PMFBP1: variants seen among roughly 807,000 people sequenced by gnomAD.
PMFBP1 encodes the protein polyamine-modulated factor 1-binding protein 1.
In PMFBP1, 131 loss-of-function variants were observed where a neutral mutation model predicts 137.8. The observed-to-expected ratio is 0.95, with a 90% CI of 0.82 to 1.10. The LOEUF (loss-of-function observed/expected upper bound fraction) is 1.10. PMFBP1 is among the 50% of genes least tolerant of loss of function. PMFBP1 has a pLI of 0.00. For synonymous variants in PMFBP1, 490 were observed against 450.4 expected (o/e 1.09, Z -1.11); for missense variants, 1,199 against 1,175.4 (o/e 1.02, Z -0.29).
intron 19 of PMFBP1, among the ~76,000 whole-genome samples, chr16:72,120,833 A>T (rs980548119): frequency 3.9e-5 from 6 of 152,232 alleles, no homozygotes; most frequent in Non-Finnish European, 8.8e-5. Context: ...GGGGCAAGTT[A>T]CTTAGTTTCC....
chr16:72,161,863 G>T (rs1489812524), intron 3 of PMFBP1, among the ~76,000 whole-genome samples: 1 of 152,064 alleles, frequency 6.6e-6, no homozygotes. Context: ...ACGATACTGT[G>T]TAATAATGCC....
intron 15 of PMFBP1, 105 bp downstream of exon 15, chr16:72,125,863 C>T (rs1052378086): frequency 7.2e-6 from 10 of 1,384,476 alleles, no homozygotes; most frequent in Non-Finnish European, 9.9e-6. Context: ...TTGAGATGGC[C>T]CCATTGACAG....
At chr16:72,207,217 G>C in the PMFBP1 span, among the ~76,000 whole-genome samples, 3 of 152,138 alleles carry the variant, frequency 2.0e-5, no homozygotes, top group African/African-American at 7.2e-5. Flanking sequence ...CAATGAGAAG[G>C]CTGCTGCACA....
the PMFBP1 span, among the ~76,000 whole-genome samples, chr16:72,221,366 C>T: frequency 6.6e-6 from 1 of 152,186 alleles, no homozygotes; most frequent in Admixed American, 6.5e-5. Context: ...CTGCACTCAG[C>T]TCATAAATCA....
At chr16:72,209,104 G>C in the PMFBP1 span, among the ~76,000 whole-genome samples, 1 of 152,316 alleles carries the variant, frequency 6.6e-6, no homozygotes, top group South Asian at 2.1e-4. Context: ...ACTCAGCCCC[G>C]GTGAGCCCTC....
At chr16:72,198,073 CTTTTT>C in the PMFBP1 span, among the ~76,000 whole-genome samples, 1 of 152,072 alleles carries the variant, frequency 6.6e-6, no homozygotes, top group East Asian at 1.9e-4. Flanking sequence ...CTTTTCTTTT[CTTTTT>C]GCCTTTTTCA....
the PMFBP1 span, among the ~76,000 whole-genome samples, chr16:72,238,081 T>C: frequency 1.3e-5 from 2 of 152,368 alleles, no homozygotes; most frequent in Non-Finnish European, 2.9e-5. Context: ...ATGTCTTTGC[T>C]ATTGTGGATA....
intron 17 of PMFBP1, 23 bp from the exon 18 acceptor site, chr16:72,123,672 G>C (rs778677451): frequency 1.9e-6 from 3 of 1,605,748 alleles, no homozygotes; most frequent in Non-Finnish European, 2.6e-6. Context: ...AAGAAAACGA[G>C]ACAGTCAGAG....
chr16:72,157,304 T>C (rs941448145), intron 3 of PMFBP1, among the ~76,000 whole-genome samples: 1 of 147,672 alleles, frequency 6.8e-6, no homozygotes, highest in African/African-American at 2.5e-5. Context: ...AAGGACAAAA[T>C]GCAACAGGGG....
upstream of PMFBP1, among the ~76,000 whole-genome samples, chr16:72,177,565 A>AG (rs1306411598): frequency 1.2e-4 from 19 of 152,216 alleles, no homozygotes; most frequent in African/African-American, 4.6e-4. Context: ...AAAATAGTAC[A>AG]CAGAGTTCCT....
rs756049760 is a variant in PMFBP1 at position 72,130,726 on chromosome 16, CAGAAGCAGGG to C, written c.1448-14_1448-5del. 86 of 1,607,170 alleles carry C rather than the reference CAGAAGCAGGG, an allele frequency of 5.4e-5. No homozygotes were observed. Among genetic ancestry groups the C allele is most frequent in the Non-Finnish European group, 7.1e-5 (84 of 1,178,092 alleles). The stretch of plus-strand genomic sequence containing the variant: ...TTGCACTGGGCTGCTTGCTGAGCTG[CAGAAGCAGGG>C]AGATGGCCATGTGAGAAGGGAGGGT... On this transcript the variant is annotated splice_polypyrimidine_tract_variant and splice_region_variant and intron_variant, in intron 10 of 20. Transcript: ENST00000237353.
chr16:72,245,844 T>C, the PMFBP1 span, among the ~76,000 whole-genome samples: 1 of 152,230 alleles, frequency 6.6e-6, no homozygotes, highest in Non-Finnish European at 1.5e-5. Flanking sequence ...CTTGAGCTGA[T>C]ATTACACTTG....
upstream of PMFBP1, among the ~76,000 whole-genome samples, chr16:72,181,237 CAAAAAA>C (rs57619423): frequency 1.5e-5 from 2 of 130,384 alleles, no homozygotes; most frequent in African/African-American, 2.8e-5. Context: ...GACTTCATCT[CAAAAAA>C]AAAAAAATAA....
the PMFBP1 span, among the ~76,000 whole-genome samples, chr16:72,249,566 C>T: frequency 6.6e-6 from 1 of 151,852 alleles, no homozygotes; most frequent in South Asian, 2.1e-4. Context: ...AGGCACTTTA[C>T]ACGTTCTTGG....
the PMFBP1 span, chr16:72,224,944 C>T: frequency 1.3e-5 from 2 of 152,178 alleles, no homozygotes; most frequent in Non-Finnish European, 2.9e-5. Context: ...TTTAGTTATA[C>T]TCTACTAACA....
At chr16:72,210,526 A>T in the PMFBP1 span, among the ~76,000 whole-genome samples, 2 of 152,184 alleles carry the variant, frequency 1.3e-5, no homozygotes, top group Non-Finnish European at 1.5e-5. Context: ...CTGCTGGGGG[A>T]CACCTCAGAT....
chr16:72,143,715 AC>A (rs2144368190), intron 5 of PMFBP1, among the ~76,000 whole-genome samples: 1 of 147,178 alleles, frequency 6.8e-6, no homozygotes, highest in East Asian at 2.0e-4. Context: ...TGCACTCTAG[AC>A]TGGGTGACAG....
At chr16:72,209,036 C>T in the PMFBP1 span, among the ~76,000 whole-genome samples, 1 of 152,212 alleles carries the variant, frequency 6.6e-6, no homozygotes, top group Admixed American at 6.5e-5. Flanking sequence ...AGCGTGGCTG[C>T]CTTTTCTCCA....
chr16:72,173,270 C>G (rs527433433), upstream of PMFBP1, among the ~76,000 whole-genome samples: 3 of 152,320 alleles, frequency 2.0e-5, no homozygotes, highest in East Asian at 5.8e-4. Context: ...TGAACTCACC[C>G]AAGTATCATA....
Sources: gnomAD v4.1 joint callset for allele counts (sites outside exome capture counted in the v4.1 genomes callset) on GRCh38, gnomAD v4.1.1 for gene constraint, MANE v1.5 for transcripts, NCBI Gene and HGNC (gene_info 2026-07-23, HGNC 2026-07-21) for gene names.